The following HIPK2 variants were observed in gnomAD, a reference collection of about 807,000 sequenced individuals.
HIPK2 encodes the protein homeodomain-interacting protein kinase 2.
A neutral mutation model predicts 113.7 loss-of-function variants in HIPK2; 27 were observed. That is an observed-to-expected ratio of 0.24 (90% CI 0.17 to 0.33). HIPK2 has a LOEUF of 0.33. Ranked by LOEUF, HIPK2 falls within the 10% of genes least tolerant of loss-of-function variation. The pLI is 1.00. For synonymous variants in HIPK2, 631 were observed against 642.2 expected (o/e 0.98, Z 0.26); for missense variants, 1,257 against 1,588.0 (o/e 0.79, Z 3.54).
At chr7:139,719,246 A>G (rs1795337788) in intron 1 of HIPK2, among the ~76,000 whole-genome samples, 1 of 152,034 alleles carries the variant, frequency 6.6e-6, no homozygotes. Context: ...AGCTGGGACT[A>G]CAGGTGTGCG....
In HIPK2 at chr7:139,777,728, C is replaced by T. The variant is rs1157646563; in HGVS notation, c.-105G>A. ...AATCTGCCATCTTGAGCCTGTGTCT[C>T]CGCTCTCGGCGCAGCCGAGGCCGCC... is the stretch of plus-strand genomic sequence containing the variant. On this transcript the variant is annotated 5_prime_UTR_variant, in exon 1 of 15. Transcript: ENST00000406875. 2.0e-6 allele frequency: 2 copies of T among 1,017,988 alleles called. No homozygotes were observed. The highest frequency in any genetic ancestry group is 6.9e-5 in the East Asian group (1 of 14,592). The allele number at this position is 1,017,988 out of a possible 1,614,324, so 63.1% of individuals were successfully genotyped here.
At position 139,716,826 on chromosome 7, in the gene HIPK2, G is replaced by A; in HGVS notation, c.209C>T (p.Ser70Phe). The change falls in exon 2 of 15, where the codon TCC becomes TTC. Residue 70 changes from serine (S) to phenylalanine (F), a missense_variant. Transcript: ENST00000406875. The surrounding 1 kb of genome is among the most constrained non-coding windows in gnomAD (Gnocchi z 9.3). ...TAGGCTTGGGTTTGGGACCGGCAAG[G>A]AGGTGCTGACGGTTGTGGTGGCTGG... Reference protein sequence around the residue: ...SQPATTTVSTSLPVPNPSLPY... With the variant: ...SQPATTTVSTFLPVPNPSLPY... 6.2e-7 allele frequency: 1 copy of A among 1,613,936 alleles called. No individual in the cohort carries two copies. The highest frequency in any genetic ancestry group is 8.5e-7 in the Non-Finnish European group (1 of 1,179,878).
intron 1 of HIPK2, among the ~76,000 whole-genome samples, chr7:139,731,597 C>T (rs1795784703): frequency 6.6e-6 from 1 of 152,184 alleles, no homozygotes; most frequent in South Asian, 2.1e-4. Context: ...ACCCCTTGTA[C>T]TCATGTTTAT....
rs571283364 is a variant in HIPK2 at position 139,571,672 on chromosome 7, A to G, written c.*1255T>C. 1.1e-4 allele frequency: 17 copies of G among 152,382 alleles called. No individual in the cohort carries two copies. The highest frequency in any genetic ancestry group is 3.6e-4 in the African/African-American group (15 of 41,586). The allele number at this position is 152,382 out of a possible 1,614,324, so 9.4% of individuals were successfully genotyped here. ...TTAAAAAGAAAAAGAAAAAGAAAAAAAAAAGGCCAGCGTAAACTGTTACAA... is the reference window on the plus strand; with the variant it reads ...TTAAAAAGAAAAAGAAAAAGAAAAAGAAAAGGCCAGCGTAAACTGTTACAA... On this transcript the variant is annotated 3_prime_UTR_variant, in exon 15 of 15. Coordinates refer to ENST00000406875, the MANE Select transcript of HIPK2 (RefSeq NM_022740.5).
At chr7:139,621,310 A>G (rs1370925147) in intron 6 of HIPK2, among the ~76,000 whole-genome samples, 2 of 152,210 alleles carry the variant, frequency 1.3e-5, no homozygotes, top group Admixed American at 1.3e-4. Context: ...ATCACTGGCT[A>G]CCTTCGTGTA....
chr7:139,687,398 T>C (rs1420189789), intron 2 of HIPK2, among the ~76,000 whole-genome samples: 2 of 152,252 alleles, frequency 1.3e-5, no homozygotes, highest in Non-Finnish European at 2.9e-5. Context: ...TTCACTGTAT[T>C]GCAATATTCA....
rs1032248276 is a variant in HIPK2 at position 139,714,670 on chromosome 7, C to T, written c.1103+1262G>A. On this transcript the variant is annotated intron_variant, in intron 2 of 14. Transcript: ENST00000406875. The surrounding 1 kb of genome is among the most constrained non-coding windows in gnomAD (Gnocchi z 4.2). ...CAAGCAGGATGGCCTCCGGGGACCC[C>T]GGTCTTCCTGCCTACGTGGCACGCT... Among the ~76,000 whole-genome samples the T allele has an allele frequency of 5.3e-5, 8 of 152,220 alleles. No homozygotes were observed. Among genetic ancestry groups the T allele is most frequent in the East Asian group, 3.9e-4 (2 of 5,184 alleles).
intron 9 of HIPK2, among the ~76,000 whole-genome samples, chr7:139,611,995 T>C (rs924811112): frequency 3.3e-5 from 5 of 152,102 alleles, no homozygotes; most frequent in East Asian, 1.9e-4. Context: ...AAAATTCTTA[T>C]GAAAGAGTGA....
intron 1 of HIPK2, among the ~76,000 whole-genome samples, chr7:139,759,352 T>C (rs1796426533): frequency 6.6e-6 from 1 of 152,216 alleles, no homozygotes; most frequent in African/African-American, 2.4e-5. Flanking sequence ...GAATACGGTA[T>C]AAACCCTACA....
intron 1 of HIPK2, among the ~76,000 whole-genome samples, chr7:139,721,154 A>AC (rs764859262): frequency 2.0e-5 from 3 of 152,126 alleles, no homozygotes; most frequent in Non-Finnish European, 2.9e-5. Context: ...CAATGACTGG[A>AC]CCCAACGCTC....
intron 12 of HIPK2, among the ~76,000 whole-genome samples, chr7:139,589,512 A>C (rs1798946107): frequency 6.6e-6 from 1 of 152,230 alleles, no homozygotes. Context: ...CTCTTCACTC[A>C]AATGTGGAAA....
chr7:139,661,729 A>G (rs187763199), intron 2 of HIPK2, among the ~76,000 whole-genome samples: 2 of 152,330 alleles, frequency 1.3e-5, no homozygotes, highest in African/African-American at 4.8e-5. Context: ...AAAATCTCAT[A>G]TGTTTTAAGG....
intron 2 of HIPK2, among the ~76,000 whole-genome samples, chr7:139,636,585 A>C (rs1264244946): frequency 1.3e-5 from 2 of 152,068 alleles, no homozygotes; most frequent in African/African-American, 4.8e-5. Context: ...GTGAAAAGGG[A>C]GGAAGAGATT....
chr7:139,662,244 C>G (rs1010398712), intron 2 of HIPK2, among the ~76,000 whole-genome samples: 5 of 152,232 alleles, frequency 3.3e-5, no homozygotes, highest in African/African-American at 4.8e-5. Flanking sequence ...GTTTCTCCAT[C>G]TTGCTCACAG....
intron 2 of HIPK2, among the ~76,000 whole-genome samples, chr7:139,684,690 C>G (rs1320406277): frequency 3.9e-5 from 6 of 152,158 alleles, no homozygotes; most frequent in Non-Finnish European, 7.3e-5. Flanking sequence ...GCACTCCAGC[C>G]TGGACAACAG....
intron 2 of HIPK2, among the ~76,000 whole-genome samples, chr7:139,685,770 T>C (rs1794198008): frequency 6.6e-6 from 1 of 152,224 alleles, no homozygotes; most frequent in Non-Finnish European, 1.5e-5. Flanking sequence ...TTAAGCCCAT[T>C]GTTGAGACCT....
chr7:139,601,313 A>T (rs892146132), intron 10 of HIPK2, among the ~76,000 whole-genome samples: 1 of 152,184 alleles, frequency 6.6e-6, no homozygotes, highest in Admixed American at 6.5e-5. Flanking sequence ...CGGAATTTAC[A>T]CAGTGTCTTC....
chr7:139,687,630 C>A (rs1046727721), intron 2 of HIPK2, among the ~76,000 whole-genome samples: 4 of 152,148 alleles, frequency 2.6e-5, no homozygotes, highest in African/African-American at 9.7e-5. Context: ...TATCCCATCC[C>A]ATCTCATCCT....
At chr7:139,673,619 C>T (rs995036785) in intron 2 of HIPK2, among the ~76,000 whole-genome samples, 6 of 152,150 alleles carry the variant, frequency 3.9e-5, no homozygotes, top group African/African-American at 1.2e-4. Context: ...TTACCATTAT[C>T]ATGTAAGTTC....
Sources: allele counts gnomAD v4.1 joint callset (sites outside exome capture counted in the v4.1 genomes callset), GRCh38; gene constraint gnomAD v4.1.1; non-coding constraint Gnocchi (gnomAD v3.1); transcripts MANE v1.5; gene names NCBI Gene and HGNC (gene_info 2026-07-23, HGNC 2026-07-21).